The following C18orf63 variants were observed in gnomAD, a reference collection of about 807,000 sequenced individuals.
C18orf63 encodes the protein chromosome 18 open reading frame 63, also known as uncharacterized protein C18orf63.
C18orf63 carries 50 observed loss-of-function variants against 75.3 expected under a neutral mutation model. The ratio of observed to expected loss-of-function variants is 0.66; its 90% CI spans 0.53 to 0.84. The LOEUF (loss-of-function observed/expected upper bound fraction) is 0.84, where lower values mean the gene tolerates loss of function less well. Among genes scored for constraint, C18orf63 ranks in the 40% least tolerant of loss-of-function variants. C18orf63 has a pLI of 0.00. For synonymous variants in C18orf63, 232 were observed against 267.6 expected, an observed-to-expected ratio of 0.87 and a Z score of 1.30; for missense variants, 732 against 800.2, an observed-to-expected ratio of 0.91 and a Z score of 1.03.
intron 2 of C18orf63, among the ~76,000 whole-genome samples, chr18:74,318,810 GA>G: frequency 6.7e-6 from 1 of 149,056 alleles, no homozygotes; most frequent in East Asian, 2.0e-4. Context: ...AAAAAGGAAA[GA>G]AAAGCAGCTT....
chr18:74,347,780 T>C (rs965724651), intron 11 of C18orf63, among the ~76,000 whole-genome samples: 1 of 152,192 alleles, frequency 6.6e-6, no homozygotes, highest in African/African-American at 2.4e-5. Context: ...TAGGAATCCT[T>C]AGTCAAACTT....
At chr18:74,346,393 GTTGTTTATC>G (rs1984575442) in intron 11 of C18orf63, among the ~76,000 whole-genome samples, 1 of 152,092 alleles carries the variant, frequency 6.6e-6, no homozygotes, top group Non-Finnish European at 1.5e-5. Flanking sequence ...AGAATTGAGA[GTTGTTTATC>G]TTCCTGGTCA....
At chr18:74,330,095 T>TGAGA (rs1984279538) in intron 6 of C18orf63, among the ~76,000 whole-genome samples, 5 of 152,180 alleles carry the variant, frequency 3.3e-5, no homozygotes, top group Non-Finnish European at 5.9e-5. Context: ...TCTAGTTTCA[T>TGAGA]CTCCAAACAC....
chr18:74,322,797 G>C (rs746596684), intron 4 of C18orf63, 43 bp downstream of exon 4: 67 of 793,974 alleles, frequency 8.4e-5, no homozygotes, highest in Non-Finnish European at 4.1e-5. Flanking sequence ...GTTGTTTATA[G>C]GGATTATACG....
chr18:74,323,731 G>T (rs949316220), intron 4 of C18orf63, among the ~76,000 whole-genome samples: 1 of 152,152 alleles, frequency 6.6e-6, no homozygotes, highest in Non-Finnish European at 1.5e-5. Flanking sequence ...AATTAATTTT[G>T]TTCAACGTTG....
At chr18:74,330,202 G>A (rs1408068612) in intron 6 of C18orf63, among the ~76,000 whole-genome samples, 2 of 152,064 alleles carry the variant, frequency 1.3e-5, no homozygotes, top group Non-Finnish European at 2.9e-5. Context: ...TACTTTTATT[G>A]AAATGTAATA....
At chr18:74,320,492 T>A in intron 2 of C18orf63, 21 bp from the exon 3 acceptor site, 2 of 1,495,738 alleles carry the variant, frequency 1.3e-6, no homozygotes, top group Non-Finnish European at 1.8e-6. Context: ...GTCCACTTTG[T>A]AATATATTTC....
At chr18:74,322,590 G>A in intron 3 of C18orf63, 108 bp from the exon 4 acceptor site, 1 of 334,756 alleles carries the variant, frequency 3.0e-6, no homozygotes, top group Non-Finnish European at 5.4e-6. Flanking sequence ...ATTGGATGAT[G>A]GCCTGATTCT....
In C18orf63 at chr18:74,353,229, A is replaced by G; in HGVS notation, c.979-17A>G. The G allele has an allele frequency of 6.8e-7, 1 of 1,470,590 alleles. No homozygotes were observed. 91.1% of individuals were successfully genotyped at this position (1,470,590 alleles called of 1,614,324 possible). ...TATTAACATTTTAAATTTTTTTTTAATCTCTATCCTTTTCAGGAACACAAA... is the reference window on the plus strand; with the variant it reads ...TATTAACATTTTAAATTTTTTTTTAGTCTCTATCCTTTTCAGGAACACAAA... On this transcript the variant is annotated splice_polypyrimidine_tract_variant and intron_variant, in intron 11 of 13. Transcript: ENST00000579455.
intron 13 of C18orf63, among the ~76,000 whole-genome samples, 180 bp from the exon 14 acceptor site, chr18:74,356,301 C>T (rs1984763700): frequency 6.6e-6 from 1 of 152,028 alleles, no homozygotes; most frequent in Admixed American, 6.6e-5. Flanking sequence ...ACGCCCTACT[C>T]TTCTTTCTAT....
chr18:74,346,504 A>G (rs1040371209), intron 11 of C18orf63, among the ~76,000 whole-genome samples: 29 of 152,202 alleles, frequency 1.9e-4, no homozygotes, highest in African/African-American at 6.8e-4. Flanking sequence ...TCATCTCCTT[A>G]GAAGGGAGAG....
At chr18:74,316,318 G>A (rs995963148) in intron 1 of C18orf63, among the ~76,000 whole-genome samples, 1 of 152,100 alleles carries the variant, frequency 6.6e-6, no homozygotes, top group African/African-American at 2.4e-5. Context: ...TTTTAAAATG[G>A]ATTTAGCTGA....
At chr18:74,355,243 G>T (rs1984742924) in intron 13 of C18orf63, among the ~76,000 whole-genome samples, 1 of 152,086 alleles carries the variant, frequency 6.6e-6, no homozygotes, top group African/African-American at 2.4e-5. Flanking sequence ...TTTTCAGCCT[G>T]ATTTTAATTA....
At chr18:74,332,126 T>C (rs552199520) in intron 7 of C18orf63, among the ~76,000 whole-genome samples, 96 of 152,238 alleles carry the variant, frequency 6.3e-4, no homozygotes, top group Non-Finnish European at 1.2e-3. Flanking sequence ...ATACCTGAAA[T>C]TGGGTAATTT....
intron 8 of C18orf63, among the ~76,000 whole-genome samples, chr18:74,341,628 C>T (rs1568238430): frequency 6.6e-6 from 1 of 150,670 alleles, no homozygotes; most frequent in Non-Finnish European, 1.5e-5. Flanking sequence ...CAGAGGTTGC[C>T]ATGAGCTGAG....
chr18:74,347,804 A>G (rs997167124), intron 11 of C18orf63, among the ~76,000 whole-genome samples: 23 of 152,226 alleles, frequency 1.5e-4, no homozygotes, highest in African/African-American at 5.5e-4. Context: ...TTGTTTTAAC[A>G]TATAGAAAAT....
chr18:74,344,887 G>A (rs1203732711), intron 11 of C18orf63, among the ~76,000 whole-genome samples: 1 of 152,016 alleles, frequency 6.6e-6, no homozygotes, highest in Non-Finnish European at 1.5e-5. Flanking sequence ...GAACATTCTT[G>A]TATATGTCTG....
rs781244631 is a variant in C18orf63 at position 74,315,924 on chromosome 18, A to G, written c.-218A>G. ...GGGAGCTGAGGCACGCGGGCTCTCAATCGACGCCCCACAGAGACCAAGAGG... is the reference window on the plus strand; with the variant it reads ...GGGAGCTGAGGCACGCGGGCTCTCAGTCGACGCCCCACAGAGACCAAGAGG... On this transcript the variant is annotated 5_prime_UTR_variant, in exon 1 of 14. Transcript: ENST00000579455. 1.2e-4 allele frequency: 18 copies of G among 152,310 alleles called. No individual in the cohort carries two copies. Among genetic ancestry groups the G allele is most frequent in the Non-Finnish European group, 2.3e-4 (16 of 68,160 alleles). The allele number at this position is 152,310 out of a possible 1,614,324, so 9.4% of individuals were successfully genotyped here. A position where few individuals can be genotyped will look rare whatever the true frequency, so the allele number is the denominator to read the frequency against.
chr18:74,326,886 G>A (rs1195833579), intron 4 of C18orf63, among the ~76,000 whole-genome samples: 1 of 152,046 alleles, frequency 6.6e-6, no homozygotes, highest in Non-Finnish European at 1.5e-5. Flanking sequence ...TTGGTTGCGT[G>A]TGCCCATGTA....
Sources: gnomAD v4.1 joint callset for allele counts (sites outside exome capture counted in the v4.1 genomes callset) on GRCh38, gnomAD v4.1.1 for gene constraint, MANE v1.5 for transcripts, NCBI Gene and HGNC (gene_info 2026-07-23, HGNC 2026-07-21) for gene names.